MYCBP2: variants seen among roughly 807,000 people sequenced by gnomAD.
MYCBP2 encodes E3 ubiquitin-protein ligase MYCBP2.
MYCBP2 carries 120 observed loss-of-function variants against 525.3 expected under a neutral mutation model. The observed-to-expected ratio is 0.23, with a 90% confidence interval of 0.20 to 0.27. MYCBP2 has a LOEUF of 0.27. MYCBP2 is among the 10% of genes least tolerant of loss of function. The pLI, the probability that MYCBP2 is intolerant of heterozygous loss-of-function variation, is 1.00. For synonymous variants in MYCBP2, 1,894 were observed against 1,955.8 expected (o/e 0.97, Z 0.83); for missense variants, 4,149 against 5,657.1 (o/e 0.73, Z 8.55).
chr13:77,055,469 A>T (rs2037766813), intron 80 of MYCBP2, 89 bp downstream of exon 80: 6 of 1,044,852 alleles, frequency 5.7e-6, no homozygotes, highest in African/African-American at 1.6e-5. Context: ...CTTAAGATGG[A>T]ATAATTAGAT....
intron 35 of MYCBP2, 52 bp from the exon 36 acceptor site, chr13:77,176,680 G>C: frequency 7.6e-7 from 1 of 1,307,230 alleles, no homozygotes; most frequent in Non-Finnish European, 1.0e-6. Context: ...TAATTTTATT[G>C]TATGAACAAT....
intron 27 of MYCBP2, among the ~76,000 whole-genome samples, 189 bp from the exon 28 acceptor site, chr13:77,192,002 G>T (rs1207214039): frequency 1.3e-5 from 2 of 152,178 alleles, no homozygotes; most frequent in Non-Finnish European, 2.9e-5. Context: ...TTATGTTATG[G>T]TGATAGAATT....
rs563706565 is a variant in MYCBP2 at position 77,045,220 on chromosome 13, T to C, written c.*158A>G. On this transcript the variant is annotated 3_prime_UTR_variant, in exon 83 of 83. Coordinates refer to ENST00000544440, the MANE Select transcript of MYCBP2 (RefSeq NM_015057.5). ...GGGAAACTTTTCATAGCAAGAATTA[T>C]GTACATGGTATTTGGTATCCTTCTT... The C allele has an allele frequency of 8.1e-6, 4 of 495,150 alleles. No homozygotes were observed. In the East Asian group the frequency reaches 9.3e-5, roughly 11 times the overall value. The allele number at this position is 495,150 out of a possible 1,614,324, so 30.7% of individuals were successfully genotyped here.
intron 8 of MYCBP2, among the ~76,000 whole-genome samples, chr13:77,265,694 CTA>C (rs2073968516): frequency 6.6e-6 from 1 of 152,174 alleles, no homozygotes; most frequent in Non-Finnish European, 1.5e-5. Flanking sequence ...CAGAGCAGAG[CTA>C]TTCCTACCCA....
Position 77,062,608 on chromosome 13 carries a change from T to C in MYCBP2, c.12762A>G (p.Gln4254=). 6.2e-7 allele frequency: 1 copy of C among 1,613,962 alleles called. No individual in the cohort carries two copies. Among genetic ancestry groups the C allele is most frequent in the Non-Finnish European group, 8.5e-7 (1 of 1,179,802 alleles). ...SSGRWMGKDG[Q]QKQMPMCDNH... ...ATTCTGATCTTACCATTTGTTTTTG[T>C]TGTCCATCCTTTCCCATCCATCTCC... Residue 4254 remains glutamine, a synonymous_variant, in exon 74 of 83, where the codon CAA becomes CAG. Coordinates refer to ENST00000544440, the MANE Select transcript of MYCBP2 (RefSeq NM_015057.5).
At chr13:77,171,675 G>A in intron 37 of MYCBP2, 41 bp from the exon 38 acceptor site, 1 of 1,594,354 alleles carries the variant, frequency 6.3e-7, no homozygotes, top group South Asian at 1.1e-5. Context: ...ACAATGGTAA[G>A]TAAAACATGA....
In MYCBP2 at chr13:77,326,025, G is replaced by GCA. The variant is rs1455406975; in HGVS notation, c.302+447_302+448dup. Among the ~76,000 whole-genome samples the GCA allele has an allele frequency of 6.6e-6, 1 of 152,030 alleles. No homozygotes were observed. The highest frequency in any genetic ancestry group is 6.5e-5 in the Admixed American group (1 of 15,278). Reference sequence around the variant, plus strand: ...TGGAAGGAATGTCATGGGAGAGGCGGCACGTGCAAATAACATTGCGGCAGA... The same window carrying GCA: ...TGGAAGGAATGTCATGGGAGAGGCGGCACACGTGCAAATAACATTGCGGCAGA... On this transcript the variant is annotated intron_variant, in intron 1 of 82. Transcript: ENST00000544440. The surrounding 1 kb of genome is among the most constrained non-coding windows in gnomAD (Gnocchi z 4.2).
intron 2 of MYCBP2, among the ~76,000 whole-genome samples, chr13:77,294,108 A>ATATATATATATG (rs2077802834): frequency 2.1e-5 from 1 of 48,270 alleles, no homozygotes; most frequent in East Asian, 5.7e-4. Flanking sequence ...TAATGGCTAT[A>ATATATATATATG]TATATATATA....
chr13:77,197,348 AAG>A (rs2061860310), intron 26 of MYCBP2, among the ~76,000 whole-genome samples: 1 of 152,172 alleles, frequency 6.6e-6, no homozygotes, highest in Non-Finnish European at 1.5e-5. Context: ...GTGGAGAAGA[AAG>A]AGATATAGGA....
chr13:77,181,683 T>C lies in MYCBP2; in HGVS notation c.4941+18A>G. 6.2e-7 allele frequency: 1 copy of C among 1,605,334 alleles called. No homozygotes were observed. The highest frequency in any genetic ancestry group is 8.5e-7 in the Non-Finnish European group (1 of 1,173,372). Reference sequence around the variant, plus strand: ...AGTTTTAGTGCCTCTGTATAAAAGATTTCAGAGACAGACCTACCTGGCTGA... The same window carrying C: ...AGTTTTAGTGCCTCTGTATAAAAGACTTCAGAGACAGACCTACCTGGCTGA... On this transcript the variant is annotated intron_variant, in intron 33 of 82. Transcript: ENST00000544440.
rs139725026 is a variant in MYCBP2 at position 77,144,251 on chromosome 13, G to A, written c.7303+194C>T. 1,993 of 557,876 alleles carry A rather than the reference G, an allele frequency of 3.6e-3. 65 individuals are homozygous for A. In the Admixed American group the frequency reaches 0.053, roughly 15 times the overall value. 34.6% of individuals were successfully genotyped at this position (557,876 alleles called of 1,614,324 possible). On this transcript the variant is annotated intron_variant, in intron 49 of 82. Coordinates refer to ENST00000544440, the MANE Select transcript of MYCBP2 (RefSeq NM_015057.5). The stretch of plus-strand genomic sequence containing the variant: ...GTCATGAGGGCTACAGTGCCTGGGC[G>A]GACACCAGAAATTATTACAAAATGT...
Position 77,205,489 on chromosome 13 carries a change from C to T in MYCBP2, c.3699G>A (p.Val1233=), listed in dbSNP as rs1004568922. Residue 1233 remains valine (V), a synonymous_variant, in exon 25 of 83, where the codon GTG becomes GTA. Transcript: ENST00000544440. ...MKVYSKEDYS[V]VNRFESHGGG... Reference sequence around the variant, plus strand: ...TATACATACTTTCAAACCTGTTTACCACACTATAATCTTCTTTAGAATAAA... The same window carrying T: ...TATACATACTTTCAAACCTGTTTACTACACTATAATCTTCTTTAGAATAAA... The T allele has an allele frequency of 6.2e-7, 1 of 1,612,988 alleles. No homozygotes were observed. Among genetic ancestry groups the T allele is most frequent in the Non-Finnish European group, 8.5e-7 (1 of 1,179,564 alleles).
intron 70 of MYCBP2, 27 bp downstream of exon 70, chr13:77,068,538 T>C (rs1004858831): frequency 1.3e-6 from 2 of 1,595,940 alleles, no homozygotes; most frequent in East Asian, 2.3e-5. Context: ...ACAAAAGCAA[T>C]GGAAAGGCTG....
intron 55 of MYCBP2, among the ~76,000 whole-genome samples, chr13:77,108,613 G>A (rs1369561485): frequency 6.6e-6 from 1 of 152,126 alleles, no homozygotes; most frequent in Non-Finnish European, 1.5e-5. Flanking sequence ...GCCTCCAGAA[G>A]TGACATCCTG....
chr13:77,093,058 A>G, intron 59 of MYCBP2, 107 bp downstream of exon 59: 1 of 1,115,788 alleles, frequency 9.0e-7, no homozygotes, highest in Non-Finnish European at 1.3e-6. Flanking sequence ...AGTTAGCAAA[A>G]CTGGCTCACA....
At chr13:77,298,352 C>A (rs1411980678) in intron 1 of MYCBP2, among the ~76,000 whole-genome samples, 1 of 152,176 alleles carries the variant, frequency 6.6e-6, no homozygotes, top group African/African-American at 2.4e-5. Flanking sequence ...CACTCTCATT[C>A]ATCGTATATT....
Position 77,326,936 on chromosome 13 carries a change from C to G in MYCBP2, c.-161G>C. 1 of 580,796 alleles carries G rather than the reference C, an allele frequency of 1.7e-6. No homozygotes were observed. Among genetic ancestry groups the G allele is most frequent in the East Asian group, 3.5e-5 (1 of 28,898 alleles). The allele number at this position is 580,796 out of a possible 1,614,324, so 36.0% of individuals were successfully genotyped here. ...AGACAGCGACCTCCTTCTCCTCCTC[C>G]TTCTTCTCCTCCTCCCCCCCGCGCC... On this transcript the variant is annotated 5_prime_UTR_variant, in exon 1 of 83. Coordinates refer to ENST00000544440, the MANE Select transcript of MYCBP2 (RefSeq NM_015057.5). This position sits in a 1 kb window ranked among gnomAD's most constrained non-coding sequence, Gnocchi z 4.2.
At chr13:77,205,629 C>T in intron 24 of MYCBP2, 31 bp from the exon 25 acceptor site, 1 of 1,595,104 alleles carries the variant, frequency 6.3e-7, no homozygotes, top group Non-Finnish European at 8.5e-7. Context: ...AATTTAACTC[C>T]TTGAAATTAA....
chr13:77,079,545 C>A (rs1470281566), intron 65 of MYCBP2, among the ~76,000 whole-genome samples: 6 of 152,134 alleles, frequency 3.9e-5, no homozygotes. Flanking sequence ...TAGGCTGATA[C>A]AACTCAAATC....
Sources: gnomAD v4.1 joint callset for allele counts (sites outside exome capture counted in the v4.1 genomes callset) on GRCh38, gnomAD v4.1.1 for gene constraint, Gnocchi (gnomAD v3.1) non-coding constraint, MANE v1.5 for transcripts, NCBI Gene and HGNC (gene_info 2026-07-23, HGNC 2026-07-21) for gene names.